RAB33A: variants seen among roughly 807,000 people sequenced by gnomAD.
RAB33A encodes ras-related protein Rab-33A.
RAB33A carries 6 observed loss-of-function variants against 12.0 expected under a neutral mutation model. The observed-to-expected ratio is 0.50, with a 90% CI of 0.27 to 0.99. The LOEUF is 0.99. RAB33A is among the 50% of genes least tolerant of loss of function. The pLI is 0.11. For synonymous variants in RAB33A, 70 were observed against 82.4 expected (o/e 0.85, Z 0.81); for missense variants, 109 against 192.0 (o/e 0.57, Z 2.55).
At chrX:130,113,057 T>C in the RAB33A span, among the ~76,000 whole-genome samples, 1 of 99,683 alleles carries the variant, frequency 1.0e-5, no homozygotes, top group Non-Finnish European at 2.0e-5. Context: ...GTGTTTTCTT[T>C]TTCTTTTTTT....
the RAB33A span, among the ~76,000 whole-genome samples, chrX:130,130,722 T>A: frequency 2.6e-4 from 29 of 112,416 alleles, no homozygotes; most frequent in African/African-American, 9.4e-4. Flanking sequence ...TGGACAGTGC[T>A]ATTAGACAGG....
chrX:130,154,549 A>T, the RAB33A span, among the ~76,000 whole-genome samples: 1 of 112,410 alleles, frequency 8.9e-6, no homozygotes, highest in African/African-American at 3.2e-5. Context: ...GTACCGCTTC[A>T]GCCACTAGTT....
At chrX:130,153,716 C>T in the RAB33A span, among the ~76,000 whole-genome samples, 8 of 110,799 alleles carry the variant, frequency 7.2e-5, no homozygotes, top group East Asian at 5.7e-4. Flanking sequence ...TCTCCCTCTC[C>T]GTCCCCCACC....
chrX:130,123,605 G>A, the RAB33A span, among the ~76,000 whole-genome samples: 1 of 106,222 alleles, frequency 9.4e-6, no homozygotes, highest in Non-Finnish European at 1.9e-5. Flanking sequence ...GCTGAGGCAG[G>A]AGAATCGCTT....
At chrX:130,152,909 T>C in the RAB33A span, among the ~76,000 whole-genome samples, 8 of 111,833 alleles carry the variant, frequency 7.2e-5, no homozygotes, top group East Asian at 2.0e-3. Flanking sequence ...GAACAGAAGC[T>C]AGAGTAAGTG....
intron 1 of RAB33A, among the ~76,000 whole-genome samples, chrX:130,181,007 CAAAAAAAAA>C (rs60085312): frequency 1.2e-4 from 1 of 8,125 alleles, no homozygotes; most frequent in African/African-American, 3.4e-4. Context: ...CAGTCCATCT[CAAAAAAAAA>C]AAAAAAAAAA....
At chrX:130,136,940 G>T in the RAB33A span, 1 of 1,146,473 alleles carries the variant, frequency 8.7e-7, no homozygotes, top group East Asian at 3.1e-5. Flanking sequence ...GATGAACTTA[G>T]CTGACTGGAG....
the RAB33A span, among the ~76,000 whole-genome samples, chrX:130,165,204 G>A: frequency 1.5e-4 from 14 of 93,353 alleles, no homozygotes; most frequent in East Asian, 4.8e-3. Context: ...GTCTCAATCG[G>A]TAAATGACAA....
chrX:130,111,540 A>C, the RAB33A span, among the ~76,000 whole-genome samples: 4 of 112,020 alleles, frequency 3.6e-5, no homozygotes, highest in Non-Finnish European at 7.5e-5. Flanking sequence ...TGGGCGTAAC[A>C]CCTGGGGTGA....
At chrX:130,117,170 T>C in the RAB33A span, among the ~76,000 whole-genome samples, 78 of 112,082 alleles carry the variant, frequency 7.0e-4, no homozygotes, top group Non-Finnish European at 1.1e-3. Flanking sequence ...GCCGAGATTG[T>C]GCCACTGCAC....
the RAB33A span, among the ~76,000 whole-genome samples, chrX:130,148,640 C>T: frequency 9.2e-6 from 1 of 109,265 alleles, no homozygotes; most frequent in Non-Finnish European, 1.9e-5. Flanking sequence ...TTGAGACCAG[C>T]CTGGCCAACA....
the RAB33A span, among the ~76,000 whole-genome samples, chrX:130,123,414 G>A: frequency 2.7e-5 from 3 of 111,556 alleles, no homozygotes; most frequent in African/African-American, 9.8e-5. Context: ...AACAAGGGGT[G>A]GCCAGGCACG....
the RAB33A span, chrX:130,131,775 G>A: frequency 1.7e-6 from 2 of 1,211,774 alleles, no homozygotes; most frequent in Non-Finnish European, 2.2e-6. Context: ...TAGCTTCATA[G>A]CCAACATCGG....
At chrX:130,177,802 AC>A (rs2031678217) in intron 1 of RAB33A, among the ~76,000 whole-genome samples, 1 of 111,253 alleles carries the variant, frequency 9.0e-6, no homozygotes, top group African/African-American at 3.3e-5. Context: ...ACTCCACTAT[AC>A]CCCATTGGCC....
At chrX:130,130,747 C>T in the RAB33A span, among the ~76,000 whole-genome samples, 1 of 111,997 alleles carries the variant, frequency 8.9e-6, no homozygotes, top group African/African-American at 3.2e-5. Context: ...TTAGACAAAG[C>T]AGAAGGCACT....
the RAB33A span, among the ~76,000 whole-genome samples, chrX:130,150,977 C>CAAAAAAAAA: frequency 5.8e-4 from 16 of 27,801 alleles, no homozygotes; most frequent in African/African-American, 7.1e-4. Flanking sequence ...GACTCTGTCT[C>CAAAAAAAAA]AAAAAAAAAA....
At chrX:130,125,402 T>C in the RAB33A span, among the ~76,000 whole-genome samples, 61 of 111,362 alleles carry the variant, frequency 5.5e-4, no homozygotes, top group African/African-American at 2.0e-3. Context: ...TGTGGTTTTG[T>C]GTACGCGTGT....
the RAB33A span, chrX:130,135,939 G>C: frequency 1.2e-5 from 13 of 1,045,401 alleles, no homozygotes; most frequent in African/African-American, 1.9e-5. Context: ...CAAACACTCT[G>C]ACCCTATTTG....
intron 1 of RAB33A, among the ~76,000 whole-genome samples, chrX:130,177,112 C>A (rs763122088): frequency 7.1e-5 from 8 of 112,457 alleles, no homozygotes; most frequent in Non-Finnish European, 1.5e-4. Context: ...AGCACCCCAT[C>A]AGTTCGGGCC....
Sources: gnomAD v4.1 joint callset for allele counts (sites outside exome capture counted in the v4.1 genomes callset) on GRCh38, gnomAD v4.1.1 for gene constraint, MANE v1.5 for transcripts, NCBI Gene and HGNC (gene_info 2026-07-23, HGNC 2026-07-21) for gene names.